PTCSC3: variants seen among roughly 807,000 people sequenced by gnomAD.
PTCSC3 encodes papillary thyroid carcinoma susceptibility candidate 3.
At chr14:36,145,282 T>C (rs1237050668) in intron 3 of PTCSC3, among the ~76,000 whole-genome samples, 1 of 151,004 alleles carries the variant, frequency 6.6e-6, no homozygotes, top group East Asian at 1.9e-4. Context: ...TGTGAATCCA[T>C]CTGGTCCTGG....
In PTCSC3 at chr14:36,161,052, G is replaced by A. The variant is rs145420702; in HGVS notation, n.231+1572C>T. On this transcript the variant is annotated intron_variant and non_coding_transcript_variant, in intron 2 of 3. Transcript: ENST00000556013. The stretch of plus-strand genomic sequence containing the variant: ...GTATGCTTCATGAAGTTCTCGTGCT[G>A]TGTTTTTCAGCTCCATCATGTCATT... Among the ~76,000 whole-genome samples the A allele has an allele frequency of 5.3e-3, 813 of 152,236 alleles. 8 individuals are homozygous for A. The highest frequency in any genetic ancestry group is 0.018 in the African/African-American group (765 of 41,524).
intron 1 of PTCSC3, among the ~76,000 whole-genome samples, chr14:36,171,732 G>C (rs1355984940): frequency 1.3e-5 from 2 of 152,190 alleles, no homozygotes; most frequent in Non-Finnish European, 2.9e-5. Context: ...CAAGAAGCTT[G>C]TAAAAGCAGA....
At chr14:36,173,748 G>A (rs1882230149) in intron 1 of PTCSC3, among the ~76,000 whole-genome samples, 1 of 152,090 alleles carries the variant, frequency 6.6e-6, no homozygotes, top group African/African-American at 2.4e-5. Context: ...TCACCTGAAA[G>A]ACATCTTTCA....
intron 1 of PTCSC3, among the ~76,000 whole-genome samples, chr14:36,175,311 G>A (rs1882263968): frequency 6.6e-6 from 1 of 152,132 alleles, no homozygotes; most frequent in Non-Finnish European, 1.5e-5. Flanking sequence ...TACAGTGCTT[G>A]TTATCCACTG....
intron 1 of PTCSC3, among the ~76,000 whole-genome samples, chr14:36,168,661 G>C (rs970868821): frequency 4.6e-5 from 7 of 151,990 alleles, no homozygotes; most frequent in African/African-American, 1.7e-4. Flanking sequence ...TGTCACCCAG[G>C]CTGTAGTGCA....
chr14:36,160,134 T>G (rs535302531), intron 2 of PTCSC3, among the ~76,000 whole-genome samples: 1 of 152,360 alleles, frequency 6.6e-6, no homozygotes, highest in East Asian at 1.9e-4. Context: ...GCATGTGTGA[T>G]GAGTCTCCTG....
chr14:36,148,718 C>T (rs1464414404), intron 3 of PTCSC3, among the ~76,000 whole-genome samples: 1 of 152,178 alleles, frequency 6.6e-6, no homozygotes, highest in Non-Finnish European at 1.5e-5. Flanking sequence ...AGATTCAGGC[C>T]TATTCAGATG....
At chr14:36,153,048 C>T (rs1881757809) in intron 3 of PTCSC3, among the ~76,000 whole-genome samples, 1 of 152,202 alleles carries the variant, frequency 6.6e-6, no homozygotes, top group Non-Finnish European at 1.5e-5. Context: ...ACATTTACTT[C>T]TCACAGCTCT....
intron 1 of PTCSC3, among the ~76,000 whole-genome samples, chr14:36,169,038 A>T (rs1430795085): frequency 1.3e-5 from 2 of 152,066 alleles, no homozygotes; most frequent in African/African-American, 4.8e-5. Context: ...TATTTTACAC[A>T]TTAAGAGAAA....
intron 3 of PTCSC3, among the ~76,000 whole-genome samples, chr14:36,137,774 G>C (rs943562342): frequency 2.0e-5 from 3 of 152,198 alleles, no homozygotes; most frequent in Admixed American, 1.3e-4. Flanking sequence ...AAAGGAGCAG[G>C]TATGGTGGGG....
At chr14:36,170,488 T>C (rs1882171463) in intron 1 of PTCSC3, among the ~76,000 whole-genome samples, 1 of 152,204 alleles carries the variant, frequency 6.6e-6, no homozygotes, top group Non-Finnish European at 1.5e-5. Context: ...TTTTTTCACA[T>C]GTTCTTTATA....
chr14:36,172,391 G>C (rs976646333), intron 1 of PTCSC3, among the ~76,000 whole-genome samples: 2 of 151,968 alleles, frequency 1.3e-5, no homozygotes, highest in Non-Finnish European at 2.9e-5. Flanking sequence ...ATTTTCTAAT[G>C]ATCTTTGATT....
At chr14:36,146,897 T>G (rs113516302) in intron 3 of PTCSC3, among the ~76,000 whole-genome samples, 2 of 152,194 alleles carry the variant, frequency 1.3e-5, no homozygotes, top group Non-Finnish European at 2.9e-5. Flanking sequence ...GTCTGTAAAG[T>G]ATTTTATTTC....
rs150927369 is a variant in PTCSC3, at chr14:36,150,586, T to G, written n.322+3218A>C. ...AATACCTGCCACATTTTAAATTGTT[T>G]TCTATTTGTTTCACTTTTGAAAAAT... is the stretch of plus-strand genomic sequence containing the variant. On this transcript the variant is annotated intron_variant and non_coding_transcript_variant, in intron 3 of 3. Transcript: ENST00000556013. Among the ~76,000 whole-genome samples, 140 of 152,348 alleles carry G rather than the reference T, an allele frequency of 9.2e-4. 6 individuals carry two copies. The East Asian group carries it at 0.026, about 28-fold the overall frequency.
intron 1 of PTCSC3, among the ~76,000 whole-genome samples, chr14:36,169,460 G>A (rs1177567826): frequency 2.0e-5 from 3 of 152,136 alleles, no homozygotes; most frequent in African/African-American, 7.2e-5. Flanking sequence ...GGTACAATCA[G>A]AATCTCCCAA....
intron 3 of PTCSC3, among the ~76,000 whole-genome samples, chr14:36,139,521 T>A (rs1299908822): frequency 6.6e-6 from 1 of 152,146 alleles, no homozygotes; most frequent in African/African-American, 2.4e-5. Context: ...TGCAACTGGA[T>A]GATTATGAGA....
chr14:36,157,253 TG>T (rs1353140436), intron 2 of PTCSC3, among the ~76,000 whole-genome samples: 3 of 152,182 alleles, frequency 2.0e-5, no homozygotes, highest in African/African-American at 7.2e-5. Flanking sequence ...TTGATAGGGT[TG>T]TTTTTTTCTT....
At chr14:36,170,807 C>T (rs1488929446) in intron 1 of PTCSC3, among the ~76,000 whole-genome samples, 1 of 152,092 alleles carries the variant, frequency 6.6e-6, no homozygotes, top group African/African-American at 2.4e-5. Context: ...ACAGTTCCTT[C>T]TGAGGATCCT....
At chr14:36,145,001 G>T (rs1594445534) in intron 3 of PTCSC3, among the ~76,000 whole-genome samples, 1 of 67,658 alleles carries the variant, frequency 1.5e-5, no homozygotes, top group East Asian at 3.2e-4. Context: ...TGCATCCCAG[G>T]GATGAAGCCC....
Sources: gnomAD v4.1 joint callset for allele counts (sites outside exome capture counted in the v4.1 genomes callset) on GRCh38, gnomAD v4.1.1 for gene constraint, MANE v1.5 for transcripts, NCBI Gene and HGNC (gene_info 2026-07-23, HGNC 2026-07-21) for gene names.